Variants in ZFP2 observed in about 807,000 individuals in gnomAD.
ZFP2 encodes zinc finger protein ZFP2.
A neutral mutation model predicts 36.1 loss-of-function variants in ZFP2; 33 were observed. The ratio of observed to expected loss-of-function variants is 0.92; its 90% CI spans 0.69 to 1.22. The LOEUF is 1.22. Ranked by LOEUF, ZFP2 falls within the 50% of genes most tolerant of loss-of-function variation. The pLI, the probability that ZFP2 is intolerant of heterozygous loss-of-function variation, is 0.00. For missense variants in ZFP2, 522 were observed against 551.4 expected, an observed-to-expected ratio of 0.95 and a Z score of 0.53; for synonymous variants, 170 against 178.0, an observed-to-expected ratio of 0.96 and a Z score of 0.36.
In ZFP2 at chr5:178,932,783, G is replaced by A. The variant is rs1163701423; in HGVS notation, c.*84G>A. ...CATACAATGTAGAAACCTAATAAAT[G>A]TAATGATTGTGGGAATCTTTCAGTT... On this transcript the variant is annotated 3_prime_UTR_variant, in exon 5 of 5. Transcript: ENST00000361362. 2 of 1,460,576 alleles carry A rather than the reference G, an allele frequency of 1.4e-6. No homozygotes were observed. The highest frequency in any genetic ancestry group is 2.3e-5 in the East Asian group (1 of 43,362). The allele number at this position is 1,460,576 out of a possible 1,614,324, so 90.5% of individuals were successfully genotyped here.
In ZFP2 at chr5:178,932,453, A is replaced by G. The variant is rs1758871018; in HGVS notation, c.1140A>G (p.Lys380=). The G allele has an allele frequency of 6.2e-7, 1 of 1,613,990 alleles. No homozygotes were observed. The highest frequency in any genetic ancestry group is 1.7e-5 in the Admixed American group (1 of 60,000). ...TVHQVIHTGE[K]PYECNECGKA... The stretch of plus-strand genomic sequence containing the variant: ...ATCAGGTCATTCACACTGGAGAGAA[A>G]CCTTATGAGTGCAATGAATGTGGAA... Residue 380 remains lysine (K), a synonymous_variant, in exon 5 of 5, where the codon AAA becomes AAG. Transcript: ENST00000361362.
intron 1 of ZFP2, among the ~76,000 whole-genome samples, chr5:178,907,536 T>A (rs931452777): frequency 4.6e-5 from 7 of 151,860 alleles, no homozygotes; most frequent in Non-Finnish European, 1.0e-4. Context: ...AACTATTAAA[T>A]ATACTTTGAT....
intron 1 of ZFP2, among the ~76,000 whole-genome samples, chr5:178,905,954 G>T (rs1466472846): frequency 6.6e-6 from 1 of 152,034 alleles, no homozygotes; most frequent in Non-Finnish European, 1.5e-5. Context: ...GTTTCGTCAT[G>T]TTACCCAGGC....
chr5:178,920,057 T>C (rs1368582102), intron 4 of ZFP2, among the ~76,000 whole-genome samples: 1 of 152,190 alleles, frequency 6.6e-6, no homozygotes, highest in Non-Finnish European at 1.5e-5. Context: ...CTGTCAAATA[T>C]AAGCTTTTAA....
chr5:178,924,797 G>A (rs1275157371), intron 4 of ZFP2, among the ~76,000 whole-genome samples: 2 of 148,622 alleles, frequency 1.3e-5, no homozygotes, highest in South Asian at 2.1e-4. Flanking sequence ...GCAGTAAGCC[G>A]AGATTGCGCC....
rs192876003 is a variant in ZFP2, at chr5:178,896,505, C to T, written c.-450+531C>T. ...TTTGTGTAAACCGGGTCTCCGGACC[C>T]GCCCTCTGGATCTCATTCCGAGAGC... On this transcript the variant is annotated intron_variant, in intron 1 of 4. Transcript: ENST00000361362. Among the ~76,000 whole-genome samples the T allele has an allele frequency of 5.3e-3, 807 of 152,322 alleles. 7 individuals are homozygous for T. Among genetic ancestry groups the T allele is most frequent in the African/African-American group, 0.018 (768 of 41,576 alleles).
At chr5:178,904,021 T>C (rs1400937241) in intron 1 of ZFP2, among the ~76,000 whole-genome samples, 2 of 152,012 alleles carry the variant, frequency 1.3e-5, no homozygotes, top group East Asian at 3.9e-4. Flanking sequence ...AAAAGAAAAG[T>C]TTTCTGTACC....
Position 178,910,119 on chromosome 5 carries a change from C to T in ZFP2, c.-449-2465C>T, listed in dbSNP as rs544046499. 27 of 1,466,558 alleles carry T rather than the reference C, an allele frequency of 1.8e-5. No homozygotes were observed. The South Asian group carries it at 3.0e-4, about 16-fold the overall frequency. The allele number at this position is 1,466,558 out of a possible 1,614,324, so 90.8% of individuals were successfully genotyped here. On this transcript the variant is annotated intron_variant, in intron 1 of 4. Coordinates refer to ENST00000361362, the MANE Select transcript of ZFP2 (RefSeq NM_030613.4). ...CTCCTGTTTGGCTTCTGTTAAGAGG[C>T]TGGAGAACCGTGCACAGATTCTGTC... is the stretch of plus-strand genomic sequence containing the variant.
In ZFP2 at chr5:178,924,052, C is replaced by T. The variant is rs145527358; in HGVS notation, c.-77-7185C>T. On this transcript the variant is annotated intron_variant, in intron 4 of 4. Coordinates refer to ENST00000361362, the MANE Select transcript of ZFP2 (RefSeq NM_030613.4). ...GCACTATAAGATAGGTACCATTTAA[C>T]AAATTTGGACAATAGAGCACAGAGA... 1.1e-3 allele frequency among the ~76,000 whole-genome samples: 157 copies of T among 149,250 alleles called. 2 individuals carry two copies. The highest frequency in any genetic ancestry group is 3.8e-3 in the African/African-American group (155 of 41,242).
At position 178,931,856 on chromosome 5, in the gene ZFP2, C is replaced by G. The variant is rs61744382; in HGVS notation, c.543C>G (p.Thr181=). ...TTACTGTCCATCAACGAACTCACACCGGAGAGAAACCCTATCAGTGTAAAG... is the reference window on the plus strand; with the variant it reads ...TTACTGTCCATCAACGAACTCACACGGGAGAGAAACCCTATCAGTGTAAAG... ...MNLTVHQRTH[T]GEKPYQCKEC... The change falls in exon 5 of 5, where the codon ACC becomes ACG. Residue 181 remains threonine (T), a synonymous_variant. Coordinates refer to ENST00000361362, the MANE Select transcript of ZFP2 (RefSeq NM_030613.4). The G allele has an allele frequency of 6.2e-7, 1 of 1,613,272 alleles. No individual in the cohort carries two copies. Among genetic ancestry groups the G allele is most frequent in the Non-Finnish European group, 8.5e-7 (1 of 1,179,836 alleles).
Position 178,909,213 on chromosome 5 carries a change from T to C in ZFP2, c.-449-3371T>C, listed in dbSNP as rs118059920. Among the ~76,000 whole-genome samples, 1,581 of 152,044 alleles carry C rather than the reference T, an allele frequency of 0.01. 64 individuals are homozygous for C. The East Asian group carries it at 0.12, about 12-fold the overall frequency. On this transcript the variant is annotated intron_variant, in intron 1 of 4. Transcript: ENST00000361362. ...GTAAAACCCCTCGTGGCCTCTGGAA[T>C]GTGTCTACACTTGCTGGCTCCTTGC...
intron 4 of ZFP2, among the ~76,000 whole-genome samples, chr5:178,921,261 T>C (rs1028412175): frequency 2.4e-4 from 37 of 152,230 alleles, no homozygotes; most frequent in African/African-American, 8.0e-4. Context: ...CCCCTGTCTA[T>C]GTCCGCAGTA....
In ZFP2 at chr5:178,930,059, T is replaced by C. The variant is rs141424731; in HGVS notation, c.-77-1178T>C. On this transcript the variant is annotated intron_variant, in intron 4 of 4. Coordinates refer to ENST00000361362, the MANE Select transcript of ZFP2 (RefSeq NM_030613.4). ...TGTTACACACTTGTAAATAACCACA[T>C]CTCACAAGAACTCACTCATGATAGG... Among the ~76,000 whole-genome samples the C allele has an allele frequency of 9.3e-3, 1,413 of 151,192 alleles. 20 individuals carry two copies. Among genetic ancestry groups the C allele is most frequent in the African/African-American group, 0.033 (1,358 of 41,236 alleles).
chr5:178,925,124 TATAC>T (rs3031609), intron 4 of ZFP2, among the ~76,000 whole-genome samples: 1,880 of 69,402 alleles, frequency 0.027, 94 homozygotes, highest in Admixed American at 0.14. Flanking sequence ...TATATATATA[TATAC>T]ACACACACAC....
intron 4 of ZFP2, among the ~76,000 whole-genome samples, chr5:178,929,398 A>G (rs1758769986): frequency 6.6e-6 from 1 of 152,078 alleles, no homozygotes; most frequent in African/African-American, 2.4e-5. Flanking sequence ...ACATCTGAGC[A>G]TAGATTGTTA....
chr5:178,926,845 G>C (rs1371908612), intron 4 of ZFP2, among the ~76,000 whole-genome samples: 9 of 152,130 alleles, frequency 5.9e-5, no homozygotes, highest in African/African-American at 1.7e-4. Context: ...TACTCAGTTT[G>C]ACAGTTCCTC....
At chr5:178,917,695 A>T (rs1461336322) in intron 4 of ZFP2, among the ~76,000 whole-genome samples, 7 of 152,206 alleles carry the variant, frequency 4.6e-5, no homozygotes. Flanking sequence ...ATATATGTGT[A>T]CATATATAGA....
chr5:178,906,691 G>A (rs1041461074), intron 1 of ZFP2, among the ~76,000 whole-genome samples: 2 of 151,946 alleles, frequency 1.3e-5, no homozygotes, highest in African/African-American at 4.8e-5. Flanking sequence ...AAATAGCTGG[G>A]ACTACAGGTA....
chr5:178,906,778 G>A (rs895393817), intron 1 of ZFP2, among the ~76,000 whole-genome samples: 2 of 151,488 alleles, frequency 1.3e-5, no homozygotes, highest in Admixed American at 6.6e-5. Flanking sequence ...AGCTGGTCTC[G>A]AACTCATGAC....
Sources: allele counts gnomAD v4.1 joint callset (sites outside exome capture counted in the v4.1 genomes callset), GRCh38; gene constraint gnomAD v4.1.1; transcripts MANE v1.5; gene names NCBI Gene and HGNC (gene_info 2026-07-23, HGNC 2026-07-21).